AGO4: variants seen among roughly 807,000 people sequenced by gnomAD.
The protein encoded by AGO4 is argonaute RISC component 4.
A neutral mutation model predicts 104.7 loss-of-function variants in AGO4; 33 were observed. That is an observed-to-expected ratio of 0.32 (90% CI 0.24 to 0.42). The LOEUF (loss-of-function observed/expected upper bound fraction) is 0.42, where lower values mean the gene tolerates loss of function less well. AGO4 is among the 10% of genes least tolerant of loss of function. The pLI, the probability that AGO4 is intolerant of heterozygous loss-of-function variation, is 1.00. For missense variants in AGO4, 711 were observed against 1,083.4 expected (o/e 0.66, Z 4.83); for synonymous variants, 331 against 364.7 (o/e 0.91, Z 1.05).
At position 35,853,731 on chromosome 1, in the gene AGO4, T is replaced by C. The variant is rs1644760268; in HGVS notation, c.*126T>C. On this transcript the variant is annotated 3_prime_UTR_variant, in exon 18 of 18. Coordinates refer to ENST00000373210, the MANE Select transcript of AGO4 (RefSeq NM_017629.4). ...GTCTTCTACCAGCAGCTCGGAATAG[T>C]TGCACTGAATCTATACTTTGCAGCA... 1.4e-6 allele frequency: 1 copy of C among 721,530 alleles called. No individual in the cohort carries two copies. 44.7% of individuals were successfully genotyped at this position (721,530 alleles called of 1,614,324 possible).
intron 1 of AGO4, 52 bp from the exon 2 acceptor site, chr1:35,816,830 G>GAAA: frequency 7.5e-7 from 1 of 1,326,412 alleles, no homozygotes; most frequent in Non-Finnish European, 1.0e-6. Flanking sequence ...AAGAAAGAAA[G>GAAA]AAAGAAAAAG....
intron 13 of AGO4, among the ~76,000 whole-genome samples, chr1:35,840,474 T>C (rs1307698034): frequency 6.6e-6 from 1 of 151,752 alleles, no homozygotes; most frequent in Non-Finnish European, 1.5e-5. Flanking sequence ...AATTTTTGTA[T>C]TTTTAGTAGA....
At chr1:35,846,997 A>ACATAG (rs1439154775) in intron 15 of AGO4, among the ~76,000 whole-genome samples, 7 of 151,432 alleles carry the variant, frequency 4.6e-5, no homozygotes, top group African/African-American at 7.4e-5. Flanking sequence ...AGCCTGGGCA[A>ACATAG]CATAGCAAGA....
chr1:35,808,706 C>T lies in AGO4; in HGVS notation c.19+271C>T, dbSNP rs1643387553. On this transcript the variant is annotated intron_variant, in intron 1 of 17. Transcript: ENST00000373210. This position sits in a 1 kb window ranked among gnomAD's most constrained non-coding sequence, Gnocchi z 5.2. ...CGGGCGGAGGCCACTCTTGGCCCCACCTCGGGGAGACGATATGTGCCCGGG... is the reference window on the plus strand; with the variant it reads ...CGGGCGGAGGCCACTCTTGGCCCCATCTCGGGGAGACGATATGTGCCCGGG... 2.0e-5 allele frequency among the ~76,000 whole-genome samples: 3 copies of T among 152,156 alleles called. No individual in the cohort carries two copies. Among genetic ancestry groups the T allele is most frequent in the African/African-American group, 7.2e-5 (3 of 41,448 alleles).
intron 2 of AGO4, among the ~76,000 whole-genome samples, chr1:35,822,284 T>G (rs1643903236): frequency 6.6e-6 from 1 of 152,166 alleles, no homozygotes; most frequent in African/African-American, 2.4e-5. Context: ...AGACAGAATT[T>G]CACTCTTGTT....
Position 35,832,089 on chromosome 1 carries a change from T to A in AGO4, c.1149T>A (p.Asp383Glu). 6.2e-7 allele frequency: 1 copy of A among 1,614,170 alleles called. No individual in the cohort carries two copies. Among genetic ancestry groups the A allele is most frequent in the East Asian group, 2.2e-5 (1 of 44,880 alleles). The change falls in exon 10 of 18, where the codon GAT becomes GAA. Residue 383 changes from aspartate to glutamate, a missense_variant. Physicochemically the swap from Asp to Glu is conservative, Grantham distance 45. Coordinates refer to ENST00000373210, the MANE Select transcript of AGO4 (RefSeq NM_017629.4). Reference sequence around the variant, plus strand: ...GCAACAGTATGGTGGGTGGACCTGATCCATACCTTAAAGAATTTGGTATTG... The same window carrying A: ...GCAACAGTATGGTGGGTGGACCTGAACCATACCTTAAAGAATTTGGTATTG... ...VKSNSMVGGP[D>E]PYLKEFGIVV...
chr1:35,821,933 G>A, intron 2 of AGO4, among the ~76,000 whole-genome samples: 1 of 151,750 alleles, frequency 6.6e-6, no homozygotes, highest in South Asian at 2.1e-4. Flanking sequence ...TGTTGCCCAG[G>A]CTGGAGTACA....
intron 7 of AGO4, among the ~76,000 whole-genome samples, chr1:35,829,552 C>T (rs188812970): frequency 9.2e-5 from 14 of 152,058 alleles, no homozygotes; most frequent in African/African-American, 2.2e-4. Context: ...AGAAGATTAA[C>T]GGGCTGGGCG....
In AGO4 at chr1:35,841,864, T is replaced by TA. The variant is rs1644455729; in HGVS notation, c.2175+118dup. On this transcript the variant is annotated intron_variant, in intron 15 of 17. Coordinates refer to ENST00000373210, the MANE Select transcript of AGO4 (RefSeq NM_017629.4). The surrounding 1 kb of genome is among the most constrained non-coding windows in gnomAD (Gnocchi z 4.7). ...CACCATTTTTATACAATTTTTTTCTTAAAAGCAGAAATGCCTGATAATAAT... is the reference window on the plus strand; with the variant it reads ...CACCATTTTTATACAATTTTTTTCTTAAAAAGCAGAAATGCCTGATAATAAT... 2 of 753,838 alleles carry TA rather than the reference T, an allele frequency of 2.7e-6. No individual in the cohort carries two copies. The highest frequency in any genetic ancestry group is 3.5e-6 in the Non-Finnish European group (2 of 570,718). 46.7% of individuals were successfully genotyped at this position (753,838 alleles called of 1,614,324 possible).
intron 7 of AGO4, among the ~76,000 whole-genome samples, chr1:35,827,474 T>C (rs1011984298): frequency 2.0e-5 from 3 of 151,742 alleles, no homozygotes; most frequent in Non-Finnish European, 4.4e-5. Context: ...TGAGCCAAGA[T>C]CACACCTTGT....
rs1238744711 is a variant in AGO4 at position 35,851,038 on chromosome 1, A to G, written c.2462A>G (p.Asp821Gly). The change falls in exon 17 of 18, where the codon GAT becomes GGT. Residue 821 changes from aspartate (D) to glycine (G), a missense_variant. Physicochemically the swap from Asp to Gly is moderately conservative, Grantham distance 94. Transcript: ENST00000373210. ...TTTAGGGCAAGGTATCATCTGGTGGATAAAGATCATGACAGGCAAGTTTCT... is the reference window on the plus strand; with the variant it reads ...TTTAGGGCAAGGTATCATCTGGTGGGTAAAGATCATGACAGGCAAGTTTCT... The part of the protein sequence containing the change: ...VAFRARYHLV[D>G]KDHDSAEGSH... The G allele has an allele frequency of 6.2e-7, 1 of 1,611,856 alleles. No individual in the cohort carries two copies. Among genetic ancestry groups the G allele is most frequent in the Non-Finnish European group, 8.5e-7 (1 of 1,178,826 alleles).
rs1478944404 is a variant in AGO4, at chr1:35,835,914, C to T, written c.1645C>T (p.Pro549Ser). The part of the protein sequence containing the change: ...VQVKNVVKTS[P>S]QTLSNLCLKI... ...GGTAAAAAATGTAGTGAAGACCTCA[C>T]CTCAAACCCTTTCCAATCTTTGCCT... is the stretch of plus-strand genomic sequence containing the variant. Residue 549 changes from proline to serine, a missense_variant, in exon 13 of 18, where the codon CCT becomes TCT. Physicochemically the swap from Pro to Ser is moderately conservative, Grantham distance 74. Around this residue, in one of 3 missense-constraint regions of AGO4, gnomAD observed 401 missense variants for 665.5 expected, o/e 0.60. Transcript: ENST00000373210. 1 of 1,613,926 alleles carries T rather than the reference C, an allele frequency of 6.2e-7. No homozygotes were observed. Among genetic ancestry groups the T allele is most frequent in the Non-Finnish European group, 8.5e-7 (1 of 1,179,980 alleles).
intron 3 of AGO4, among the ~76,000 whole-genome samples, chr1:35,824,415 C>T (rs1019995786): frequency 3.3e-5 from 5 of 151,788 alleles, no homozygotes; most frequent in Non-Finnish European, 7.4e-5. Context: ...CCTGAAAGAT[C>T]TTTCCATTTC....
chr1:35,835,945 T>C lies in AGO4; in HGVS notation c.1676T>C (p.Ile559Thr), dbSNP rs1644303391. The stretch of plus-strand genomic sequence containing the variant: ...ACCCTTTCCAATCTTTGCCTGAAGA[T>C]AAATGCAAAACTTGGAGGAATTAAC... ...PQTLSNLCLKINAKLGGINNV... is the reference protein window; with the variant it reads ...PQTLSNLCLKTNAKLGGINNV... The change falls in exon 13 of 18, where the codon ATA becomes ACA. Residue 559 changes from isoleucine (I) to threonine (T), a missense_variant. Ile to Thr is a moderately conservative substitution (Grantham distance 89). Around this residue, in one of 3 missense-constraint regions of AGO4, gnomAD observed 401 missense variants for 665.5 expected, o/e 0.60. Transcript: ENST00000373210. 2 of 1,614,098 alleles carry C rather than the reference T, an allele frequency of 1.2e-6. No homozygotes were observed. The highest frequency in any genetic ancestry group is 1.7e-6 in the Non-Finnish European group (2 of 1,179,998).
intron 1 of AGO4, among the ~76,000 whole-genome samples, chr1:35,810,337 T>C (rs887423085): frequency 5.9e-5 from 9 of 152,150 alleles, no homozygotes; most frequent in African/African-American, 2.2e-4. Context: ...TTTTAGAACC[T>C]AGAGAATCAT....
At chr1:35,834,769 C>T (rs1272685853) in intron 12 of AGO4, among the ~76,000 whole-genome samples, 2 of 152,152 alleles carry the variant, frequency 1.3e-5, no homozygotes, top group Non-Finnish European at 2.9e-5. Flanking sequence ...GATCACTGCC[C>T]ATCTCAGCCT....
At chr1:35,810,641 T>G (rs1643470034) in intron 1 of AGO4, among the ~76,000 whole-genome samples, 1 of 152,092 alleles carries the variant, frequency 6.6e-6, no homozygotes, top group African/African-American at 2.4e-5. Flanking sequence ...ATGAGAAAAG[T>G]GAGGTTCAGA....
chr1:35,836,260 T>C (rs1644311293), intron 13 of AGO4, among the ~76,000 whole-genome samples: 1 of 152,214 alleles, frequency 6.6e-6, no homozygotes, highest in African/African-American at 2.4e-5. Flanking sequence ...ATTTTTGAGC[T>C]TCATATAAAT....
At chr1:35,810,852 A>G (rs1002145145) in intron 1 of AGO4, among the ~76,000 whole-genome samples, 2 of 152,182 alleles carry the variant, frequency 1.3e-5, no homozygotes, top group Admixed American at 1.3e-4. Context: ...CCCTGAAAAT[A>G]AAACTGTGGT....
Sources: allele counts gnomAD v4.1 joint callset (sites outside exome capture counted in the v4.1 genomes callset), GRCh38; gene constraint gnomAD v4.1.1; regional missense constraint gnomAD v4.1.1; non-coding constraint Gnocchi (gnomAD v3.1); transcripts MANE v1.5; gene names NCBI Gene and HGNC (gene_info 2026-07-23, HGNC 2026-07-21).